CACNA1I: variants seen among roughly 807,000 people sequenced by gnomAD.
CACNA1I encodes calcium voltage-gated channel subunit alpha1 I.
In CACNA1I, 74 loss-of-function variants were observed where a neutral mutation model predicts 201.6. The ratio of observed to expected loss-of-function variants is 0.37; its 90% CI spans 0.30 to 0.45. The LOEUF (loss-of-function observed/expected upper bound fraction) is 0.45. CACNA1I is among the 20% of genes least tolerant of loss of function. The pLI, the probability that CACNA1I is intolerant of heterozygous loss-of-function variation, is 1.00. For missense variants in CACNA1I, 2,346 were observed against 3,138.1 expected, an observed-to-expected ratio of 0.75 and a Z score of 6.03; for synonymous variants, 1,431 against 1,345.2, an observed-to-expected ratio of 1.06 and a Z score of -1.40.
At position 39,638,809 on chromosome 22, in the gene CACNA1I, A is replaced by T. The variant is rs963142175; in HGVS notation, c.741-2058A>T. Among the ~76,000 whole-genome samples, 5 of 152,242 alleles carry T rather than the reference A, an allele frequency of 3.3e-5. No homozygotes were observed. The South Asian group carries it at 1.0e-3, about 32-fold the overall frequency. On this transcript the variant is annotated intron_variant, in intron 5 of 36. Transcript: ENST00000402142. ...TTTTTCCATGGACCAGAGCAAGGGG[A>T]TGGTTTTGGGATGAAACTGTTCCAC... is the stretch of plus-strand genomic sequence containing the variant.
chr22:39,613,455 C>T (rs1343627403), intron 3 of CACNA1I, among the ~76,000 whole-genome samples: 3 of 152,224 alleles, frequency 2.0e-5, no homozygotes, highest in Admixed American at 1.3e-4. Context: ...GCTGAGGTAA[C>T]AGTTGAGGCT....
chr22:39,654,355 C>G (rs1469645194), intron 10 of CACNA1I, among the ~76,000 whole-genome samples: 1 of 152,188 alleles, frequency 6.6e-6, no homozygotes, highest in Non-Finnish European at 1.5e-5. Flanking sequence ...TTTATCATGT[C>G]CTGGAGCTGG....
At chr22:39,664,254 C>A in intron 20 of CACNA1I, 95 bp downstream of exon 20, 1 of 1,052,706 alleles carries the variant, frequency 9.5e-7, no homozygotes, top group Non-Finnish European at 1.4e-6. Flanking sequence ...CGCCTGCCAT[C>A]GGCTTCATTT....
rs1199049357 is a variant in CACNA1I, at chr22:39,659,397, T to A, written c.2331-36T>A. 10 of 1,360,994 alleles carry A rather than the reference T, an allele frequency of 7.3e-6. No individual in the cohort carries two copies. The highest frequency in any genetic ancestry group is 1.0e-5 in the Non-Finnish European group (10 of 973,024). 84.3% of individuals were successfully genotyped at this position (1,360,994 alleles called of 1,614,324 possible). A position where few individuals can be genotyped will look rare whatever the true frequency, so the allele number is the denominator to read the frequency against. On this transcript the variant is annotated intron_variant, in intron 12 of 36. Transcript: ENST00000402142. This position sits in a 1 kb window ranked among gnomAD's most constrained non-coding sequence, Gnocchi z 4.3. Reference sequence around the variant, plus strand: ...CAAGGTGAGTAGGCAGTTTGGTGCATGTGAGTCCGATGAGCCTCTTCCATC... The same window carrying A: ...CAAGGTGAGTAGGCAGTTTGGTGCAAGTGAGTCCGATGAGCCTCTTCCATC...
At chr22:39,662,518 C>G in intron 17 of CACNA1I, 83 bp downstream of exon 17, 1 of 1,089,622 alleles carries the variant, frequency 9.2e-7, no homozygotes, top group Non-Finnish European at 1.3e-6. Flanking sequence ...GGGGCCCGAG[C>G]GGGCGGGCCC....
At position 39,647,882 on chromosome 22, in the gene CACNA1I, CTT is replaced by C; in HGVS notation, c.1525_1526del (p.Leu509AlafsTer9). On this transcript the variant is annotated frameshift_variant, in exon 9 of 37. Transcript: ENST00000402142. LOFTEE classifies it high-confidence loss of function. Reference sequence around the variant, plus strand: ...CATCTCGGAAGCCGGCATTGCCAGACTTTGCATGGGCCTGCCTCCCCTGGAAA... The same window carrying C: ...CATCTCGGAAGCCGGCATTGCCAGACTGCATGGGCCTGCCTCCCCTGGAAA... 6.2e-7 allele frequency: 1 copy of C among 1,613,664 alleles called. No homozygotes were observed. Among genetic ancestry groups the C allele is most frequent in the Non-Finnish European group, 8.5e-7 (1 of 1,179,846 alleles).
chr22:39,600,899 G>A (rs1409790597), intron 3 of CACNA1I, among the ~76,000 whole-genome samples: 1 of 152,182 alleles, frequency 6.6e-6, no homozygotes, highest in African/African-American at 2.4e-5. Flanking sequence ...ACGACCTTGA[G>A]AGAGCCACTG....
intron 10 of CACNA1I, among the ~76,000 whole-genome samples, chr22:39,652,036 A>C (rs1370233768): frequency 1.9e-5 from 2 of 107,422 alleles, no homozygotes; most frequent in Non-Finnish European, 1.8e-5. Context: ...GATCTGGTGG[A>C]GCCTTTTTTT....
chr22:39,679,554 C>T (rs949860933), intron 32 of CACNA1I, 109 bp downstream of exon 32: 3 of 1,060,498 alleles, frequency 2.8e-6, no homozygotes, highest in African/African-American at 3.2e-5. Context: ...TCTTTCTGGG[C>T]CCCACCCTGC....
chr22:39,622,608 GGTGGGGGGGGCA>G (rs1319709021), intron 4 of CACNA1I, among the ~76,000 whole-genome samples: 1 of 148,506 alleles, frequency 6.7e-6, no homozygotes, highest in Admixed American at 6.7e-5. Context: ...TGGGGGGGGC[GGTGGGGGGGGCA>G]GTGGGGGTGA....
At chr22:39,657,739 G>A (rs188720190) in intron 10 of CACNA1I, among the ~76,000 whole-genome samples, 1 of 152,234 alleles carries the variant, frequency 6.6e-6, no homozygotes, top group African/African-American at 2.4e-5. Flanking sequence ...CACGTGGTAA[G>A]TGCTCACTAA....
chr22:39,595,671 T>C (rs1413533182), intron 1 of CACNA1I, among the ~76,000 whole-genome samples: 2 of 151,994 alleles, frequency 1.3e-5, no homozygotes, highest in African/African-American at 4.8e-5. Flanking sequence ...CAAAGTTATA[T>C]GAATGTGGTC....
intron 28 of CACNA1I, 76 bp from the exon 29 acceptor site, chr22:39,673,887 C>A: frequency 7.3e-7 from 1 of 1,377,284 alleles, no homozygotes; most frequent in Non-Finnish European, 1.0e-6. Flanking sequence ...CAAGTTTACA[C>A]ACGTGCACAC....
intron 10 of CACNA1I, chr22:39,656,393 T>G: frequency 1.9e-6 from 1 of 518,936 alleles, no homozygotes; most frequent in Non-Finnish European, 3.8e-6. Context: ...GCCAGCTCTC[T>G]CTTAGCTTTT....
chr22:39,668,248 C>A, intron 23 of CACNA1I, 44 bp from the exon 24 acceptor site: 1 of 1,243,628 alleles, frequency 8.0e-7, no homozygotes. Flanking sequence ...GCTGGAGTCA[C>A]TCACAGTCCT....
intron 1 of CACNA1I, among the ~76,000 whole-genome samples, chr22:39,589,519 G>A (rs978071013): frequency 2.0e-5 from 3 of 152,228 alleles, no homozygotes; most frequent in Admixed American, 1.3e-4. Context: ...ACTGTTGCTC[G>A]AACACATGCT....
chr22:39,642,772 GCTCT>G (rs1476288704), intron 6 of CACNA1I, 21 bp from the exon 7 acceptor site: 22 of 1,567,110 alleles, frequency 1.4e-5, no homozygotes, highest in Non-Finnish European at 1.9e-5. Context: ...AGTCCTCTCG[GCTCT>G]CTCTCCTCTG....
At position 39,677,932 on chromosome 22, in the gene CACNA1I, T is replaced by G. The variant is rs1601527077; in HGVS notation, c.4934-55T>G. On this transcript the variant is annotated intron_variant, in intron 30 of 36. Coordinates refer to ENST00000402142, the MANE Select transcript of CACNA1I (RefSeq NM_021096.4). The surrounding 1 kb of genome is among the most constrained non-coding windows in gnomAD (Gnocchi z 4.8). ...CGAGGCGGGAGGCACCAGGTCAGGG[T>G]GAGCCCCGCAGGCACTCCGCCATCG... 6.6e-7 allele frequency: 1 copy of G among 1,523,288 alleles called. No individual in the cohort carries two copies. Among genetic ancestry groups the G allele is most frequent in the Non-Finnish European group, 8.8e-7 (1 of 1,133,770 alleles). The allele number at this position is 1,523,288 out of a possible 1,614,324, so 94.4% of individuals were successfully genotyped here.
intron 1 of CACNA1I, among the ~76,000 whole-genome samples, chr22:39,590,600 G>A (rs1281049555): frequency 1.3e-5 from 2 of 152,200 alleles, no homozygotes; most frequent in African/African-American, 2.4e-5. Flanking sequence ...CCCTCACATC[G>A]CAGACACTGA....
Sources: gnomAD v4.1 joint callset for allele counts (sites outside exome capture counted in the v4.1 genomes callset) on GRCh38, gnomAD v4.1.1 for gene constraint, Gnocchi (gnomAD v3.1) non-coding constraint, MANE v1.5 for transcripts, NCBI Gene and HGNC (gene_info 2026-07-23, HGNC 2026-07-21) for gene names.